The following CSMD1 variants were observed in gnomAD, a reference collection of about 807,000 sequenced individuals.
The protein encoded by CSMD1 is CUB and sushi domain-containing protein 1.
Under a neutral mutation model 417.5 loss-of-function variants are expected in CSMD1, and 213 were observed. The ratio of observed to expected loss-of-function variants is 0.51; its 90% confidence interval spans 0.46 to 0.57. CSMD1 has a LOEUF of 0.57. Among genes scored for constraint, CSMD1 ranks in the 20% least tolerant of loss-of-function variants. The pLI is 0.00. For synonymous variants in CSMD1, 2,862 were observed against 1,736.8 expected, an observed-to-expected ratio of 1.65 and a Z score of -16.11; for missense variants, 6,923 against 4,529.7, an observed-to-expected ratio of 1.53 and a Z score of -15.17.
intron 2 of CSMD1, among the ~76,000 whole-genome samples, chr8:4,617,752 T>C (rs1801555255): frequency 6.6e-6 from 1 of 152,096 alleles, no homozygotes. Flanking sequence ...ATTTCCTATT[T>C]GGCATTCCTC....
chr8:4,646,663 A>G (rs114488853), intron 1 of CSMD1, among the ~76,000 whole-genome samples: 1,946 of 152,324 alleles, frequency 0.013, 46 homozygotes, highest in East Asian at 0.1. Context: ...TCAACAAGGC[A>G]TATTTTAAAA....
At chr8:4,421,732 A>G (rs1797257217) in intron 2 of CSMD1, among the ~76,000 whole-genome samples, 1 of 151,856 alleles carries the variant, frequency 6.6e-6, no homozygotes, top group African/African-American at 2.4e-5. Context: ...GCTTAGAAAA[A>G]CTCCCAAATC....
At chr8:3,371,636 C>A (rs769831704) in intron 18 of CSMD1, among the ~76,000 whole-genome samples, 16 of 152,044 alleles carry the variant, frequency 1.1e-4, no homozygotes, top group Non-Finnish European at 1.6e-4. Flanking sequence ...AAGCCTCTTC[C>A]ACAAATAATA....
intron 54 of CSMD1, among the ~76,000 whole-genome samples, chr8:2,987,575 A>G (rs1275650330): frequency 6.6e-6 from 1 of 152,190 alleles, no homozygotes; most frequent in Admixed American, 6.5e-5. Flanking sequence ...CTCTTCGGAT[A>G]TAACTCACAA....
intron 3 of CSMD1, among the ~76,000 whole-genome samples, chr8:4,354,060 T>G (rs986197119): frequency 2.0e-5 from 3 of 152,194 alleles, no homozygotes; most frequent in Non-Finnish European, 4.4e-5. Context: ...CAGCTATATA[T>G]CATTTCAGAA....
chr8:4,989,938 C>A (rs1011185894), intron 1 of CSMD1, among the ~76,000 whole-genome samples: 5 of 152,160 alleles, frequency 3.3e-5, no homozygotes, highest in Admixed American at 2.6e-4. Context: ...GCATTGCCCC[C>A]GGGAGGAGCT....
At chr8:4,957,623 GAAGA>G (rs910166982) in intron 1 of CSMD1, among the ~76,000 whole-genome samples, 3 of 152,118 alleles carry the variant, frequency 2.0e-5, no homozygotes, top group African/African-American at 4.8e-5. Flanking sequence ...AAAATGCACT[GAAGA>G]AATAAATGAT....
chr8:4,029,661 C>G (rs538176216), intron 4 of CSMD1, among the ~76,000 whole-genome samples: 1 of 152,094 alleles, frequency 6.6e-6, no homozygotes, highest in Non-Finnish European at 1.5e-5. Flanking sequence ...CTCCTGGACC[C>G]ACCCAAATCT....
rs145208894 is a variant in CSMD1 at position 3,435,609 on chromosome 8, C to T, written c.1562-26004G>A. Among the ~76,000 whole-genome samples, 7 of 152,254 alleles carry T rather than the reference C, an allele frequency of 4.6e-5. No individual in the cohort carries two copies. In the South Asian group the frequency reaches 6.2e-4, roughly 14 times the overall value. The stretch of plus-strand genomic sequence containing the variant: ...TCTTCTAACCACACCTCCAACCTAG[C>T]GACCTTGATGACTATGAGCTGTTAC... On this transcript the variant is annotated intron_variant, in intron 12 of 69. Transcript: ENST00000635120.
intron 1 of CSMD1, among the ~76,000 whole-genome samples, chr8:4,647,456 G>A (rs1001259987): frequency 2.0e-5 from 3 of 151,756 alleles, no homozygotes; most frequent in African/African-American, 4.9e-5. Flanking sequence ...GTGTGCCACG[G>A]CGGCCTGCTA....
intron 2 of CSMD1, among the ~76,000 whole-genome samples, chr8:4,469,288 G>A (rs73514634): frequency 6.6e-6 from 1 of 152,194 alleles, no homozygotes; most frequent in Non-Finnish European, 1.5e-5. Context: ...GATTGTCATA[G>A]TCAGTGGGAC....
intron 3 of CSMD1, among the ~76,000 whole-genome samples, chr8:4,037,633 G>C (rs951709065): frequency 2.6e-5 from 4 of 151,766 alleles, no homozygotes; most frequent in African/African-American, 7.3e-5. Context: ...TATTTATCAG[G>C]TGTGCTTATC....
At chr8:3,892,234 A>T (rs1252399385) in intron 5 of CSMD1, among the ~76,000 whole-genome samples, 1 of 152,238 alleles carries the variant, frequency 6.6e-6, no homozygotes, top group Non-Finnish European at 1.5e-5. Context: ...GCTGAGGTCA[A>T]GCATTTACTC....
At position 3,355,896 on chromosome 8, in the gene CSMD1, G is replaced by C. The variant is rs549716707; in HGVS notation, c.3304+3256C>G. ...ACATGCCAACAGGTGCCAGAAGAGAGGGTTTGAGCATTGAGGTTGAATACC... is the reference window on the plus strand; with the variant it reads ...ACATGCCAACAGGTGCCAGAAGAGACGGTTTGAGCATTGAGGTTGAATACC... On this transcript the variant is annotated intron_variant, in intron 21 of 69. Coordinates refer to ENST00000635120, the MANE Select transcript of CSMD1 (RefSeq NM_033225.6). Among the ~76,000 whole-genome samples, 16 of 152,204 alleles carry C rather than the reference G, an allele frequency of 1.1e-4. 1 individual carries two copies. In the South Asian group the frequency reaches 2.9e-3, roughly 28 times the overall value.
intron 2 of CSMD1, among the ~76,000 whole-genome samples, chr8:4,630,543 G>T (rs1329548727): frequency 6.6e-6 from 1 of 152,040 alleles, no homozygotes. Flanking sequence ...TTACCTAGGG[G>T]TCACTAATTT....
At chr8:4,087,282 T>C (rs1800469793) in intron 3 of CSMD1, among the ~76,000 whole-genome samples, 1 of 152,104 alleles carries the variant, frequency 6.6e-6, no homozygotes, top group Admixed American at 6.5e-5. Flanking sequence ...TTGCTCACTC[T>C]CCTTCCTTCT....
chr8:3,924,740 C>G (rs1016344948), intron 5 of CSMD1, among the ~76,000 whole-genome samples: 6 of 151,190 alleles, frequency 4.0e-5, no homozygotes, highest in East Asian at 2.0e-4. Flanking sequence ...CTTTGTTGAA[C>G]TACTCATTTT....
chr8:3,863,764 G>T (rs1244625329), intron 5 of CSMD1, among the ~76,000 whole-genome samples: 3 of 151,910 alleles, frequency 2.0e-5, no homozygotes, highest in Non-Finnish European at 2.9e-5. Flanking sequence ...ACCCAGAAGA[G>T]AATTTTCTAC....
At chr8:3,248,078 A>G (rs1369721516) in intron 26 of CSMD1, among the ~76,000 whole-genome samples, 5 of 152,152 alleles carry the variant, frequency 3.3e-5, no homozygotes, top group Non-Finnish European at 7.3e-5. Flanking sequence ...CTGTAATCCC[A>G]TTGCTTTGGG....
Sources: gnomAD v4.1 joint callset for allele counts (sites outside exome capture counted in the v4.1 genomes callset) on GRCh38, gnomAD v4.1.1 for gene constraint, MANE v1.5 for transcripts, NCBI Gene and HGNC (gene_info 2026-07-23, HGNC 2026-07-21) for gene names.